The following FBXL13 variants were observed in gnomAD, a reference collection of about 807,000 sequenced individuals.
FBXL13 encodes F-box and leucine rich repeat protein 13.
FBXL13 carries 67 observed loss-of-function variants against 83.6 expected under a neutral mutation model. That is an observed-to-expected ratio of 0.80 (90% CI 0.66 to 0.98). The LOEUF (loss-of-function observed/expected upper bound fraction) is 0.98. Ranked by LOEUF, FBXL13 falls within the 50% of genes least tolerant of loss-of-function variation. The pLI is 0.00. For missense variants in FBXL13, 822 were observed against 866.5 expected (o/e 0.95, Z 0.64); for synonymous variants, 272 against 299.5 (o/e 0.91, Z 0.95).
chr7:102,995,776 ACT>A (rs1321409141), intron 6 of FBXL13, among the ~76,000 whole-genome samples: 1 of 86,146 alleles, frequency 1.2e-5, no homozygotes, highest in Non-Finnish European at 2.7e-5. Context: ...ACAGAGCAAG[ACT>A]CTGTCTAAAT....
intron 8 of FBXL13, among the ~76,000 whole-genome samples, chr7:102,958,166 G>A (rs930037289): frequency 6.6e-6 from 1 of 152,082 alleles, no homozygotes; most frequent in South Asian, 2.1e-4. Flanking sequence ...ACTGGATTAA[G>A]AAAAACGTGG....
chr7:102,985,893 T>C (rs897357557), intron 6 of FBXL13, among the ~76,000 whole-genome samples: 2 of 152,120 alleles, frequency 1.3e-5, no homozygotes, highest in Non-Finnish European at 2.9e-5. Flanking sequence ...AAAATGGGCA[T>C]ACTCACTCAT....
intron 17 of FBXL13, among the ~76,000 whole-genome samples, chr7:102,845,640 T>C (rs151203439): frequency 6.6e-6 from 1 of 152,200 alleles, no homozygotes; most frequent in Admixed American, 6.5e-5. Context: ...GATTTTGCTA[T>C]CTAAATGTTC....
At chr7:102,835,914 A>G (rs997523901) in intron 17 of FBXL13, among the ~76,000 whole-genome samples, 2 of 152,196 alleles carry the variant, frequency 1.3e-5, no homozygotes, top group African/African-American at 4.8e-5. Flanking sequence ...CGGCCCCGAC[A>G]TTGTTTTTCC....
chr7:102,832,324 C>T (rs1800847358), intron 18 of FBXL13, among the ~76,000 whole-genome samples: 1 of 152,146 alleles, frequency 6.6e-6, no homozygotes, highest in Non-Finnish European at 1.5e-5. Flanking sequence ...GGAAATCATG[C>T]CTTTGTTTGA....
intron 6 of FBXL13, among the ~76,000 whole-genome samples, chr7:103,013,667 C>T (rs1007119127): frequency 9.9e-5 from 15 of 151,862 alleles, no homozygotes; most frequent in African/African-American, 3.4e-4. Context: ...CACTAAACAC[C>T]CACATCAAAA....
At chr7:102,973,862 G>A in intron 6 of FBXL13, 1 of 695,978 alleles carries the variant, frequency 1.4e-6, no homozygotes, top group Non-Finnish European at 2.6e-6. Flanking sequence ...GGTCCAAGAA[G>A]GCTCCGACGT....
chr7:102,848,812 A>G (rs1804648027), intron 17 of FBXL13, among the ~76,000 whole-genome samples: 1 of 152,038 alleles, frequency 6.6e-6, no homozygotes, highest in Non-Finnish European at 1.5e-5. Flanking sequence ...CAGTCTGGCC[A>G]ACATGGTGAA....
At chr7:102,973,314 A>G in intron 6 of FBXL13, 1 of 557,684 alleles carries the variant, frequency 1.8e-6, no homozygotes, top group Non-Finnish European at 3.3e-6. Flanking sequence ...AGCGTGAGTC[A>G]GCAAGATAGC....
At chr7:102,944,322 C>T (rs1822049781) in intron 8 of FBXL13, 1 of 1,614,046 alleles carries the variant, frequency 6.2e-7, no homozygotes, top group Non-Finnish European at 8.5e-7. Context: ...TCTTGTGGCT[C>T]AGAGATAACC....
intron 6 of FBXL13, among the ~76,000 whole-genome samples, chr7:103,006,351 A>T (rs190174276): frequency 1.4e-4 from 21 of 152,236 alleles, no homozygotes; most frequent in Admixed American, 1.4e-3. Flanking sequence ...TGAACAAAAA[A>T]TATCTACCAG....
chr7:102,979,513 A>G (rs972673352), intron 6 of FBXL13, among the ~76,000 whole-genome samples: 2 of 152,186 alleles, frequency 1.3e-5, no homozygotes, highest in Admixed American at 6.5e-5. Flanking sequence ...GAGGACTGGG[A>G]TATGGACATC....
chr7:103,065,851 G>A (rs1798342613), intron 1 of FBXL13, among the ~76,000 whole-genome samples: 1 of 152,242 alleles, frequency 6.6e-6, no homozygotes, highest in South Asian at 2.1e-4. Context: ...ACACTAGTGA[G>A]CAGACGCCCC....
chr7:102,934,495 T>A, intron 8 of FBXL13: 3 of 1,613,828 alleles, frequency 1.9e-6, no homozygotes, highest in Non-Finnish European at 2.5e-6. Context: ...AGTGTGAAAG[T>A]CCACAAGAAC....
chr7:102,880,723 ATT>A (rs1391895797), intron 14 of FBXL13, among the ~76,000 whole-genome samples: 2 of 152,130 alleles, frequency 1.3e-5, no homozygotes, highest in Admixed American at 6.5e-5. Flanking sequence ...TTGAGCACCT[ATT>A]TATTTGATCT....
At chr7:102,980,629 T>C (rs1177944273) in intron 6 of FBXL13, among the ~76,000 whole-genome samples, 1 of 152,030 alleles carries the variant, frequency 6.6e-6, no homozygotes, top group Non-Finnish European at 1.5e-5. Context: ...TACAAAGAAT[T>C]AGCCGGGTGT....
At chr7:102,934,152 C>G in intron 8 of FBXL13, 1 of 1,614,186 alleles carries the variant, frequency 6.2e-7, no homozygotes, top group Non-Finnish European at 8.5e-7. Flanking sequence ...CCTGGTTGGC[C>G]TCAGGATTTG....
chr7:103,039,931 T>C (rs1014846544), intron 2 of FBXL13, among the ~76,000 whole-genome samples: 5 of 151,646 alleles, frequency 3.3e-5, no homozygotes, highest in Non-Finnish European at 1.5e-5. Context: ...ACAGGCAAAA[T>C]AACCAGCTAA....
intron 8 of FBXL13, among the ~76,000 whole-genome samples, chr7:102,962,749 A>C (rs1201006172): frequency 6.7e-6 from 1 of 149,124 alleles, no homozygotes; most frequent in Non-Finnish European, 1.5e-5. Context: ...ACCAAACACC[A>C]CATATTCTCA....
Sources: gnomAD v4.1 joint callset for allele counts (sites outside exome capture counted in the v4.1 genomes callset) on GRCh38, gnomAD v4.1.1 for gene constraint, MANE v1.5 for transcripts, NCBI Gene and HGNC (gene_info 2026-07-23, HGNC 2026-07-21) for gene names.